The following LRP1B variants were observed in gnomAD, a reference collection of about 807,000 sequenced individuals.
LRP1B encodes low-density lipoprotein receptor-related protein 1B.
LRP1B carries 217 observed loss-of-function variants against 556.6 expected under a neutral mutation model. The ratio of observed to expected loss-of-function variants is 0.39; its 90% CI spans 0.35 to 0.44. The LOEUF is 0.44. LRP1B is among the 20% of genes least tolerant of loss of function. The pLI is 1.00. For synonymous variants in LRP1B, 2,047 were observed against 1,865.8 expected (o/e 1.10, Z -2.50); for missense variants, 5,053 against 5,620.8 (o/e 0.90, Z 3.23).
At chr2:141,202,154 C>A (rs1479280626) in intron 6 of LRP1B, among the ~76,000 whole-genome samples, 3 of 150,026 alleles carry the variant, frequency 2.0e-5, no homozygotes, top group Non-Finnish European at 3.0e-5. Flanking sequence ...TTGCCCCCAC[C>A]TCATGCGTCC....
chr2:141,516,320 T>A (rs1684311077), intron 2 of LRP1B, among the ~76,000 whole-genome samples: 1 of 152,152 alleles, frequency 6.6e-6, no homozygotes, highest in African/African-American at 2.4e-5. Flanking sequence ...ATATTGATTA[T>A]GCTCAAATCT....
At chr2:140,723,404 A>C (rs770603131) in intron 35 of LRP1B, among the ~76,000 whole-genome samples, 1 of 152,200 alleles carries the variant, frequency 6.6e-6, no homozygotes, top group Non-Finnish European at 1.5e-5. Context: ...ATGGGCAAGG[A>C]AAAAATTTTG....
chr2:140,683,477 G>T, intron 41 of LRP1B: 2 of 566,206 alleles, frequency 3.5e-6, no homozygotes, highest in South Asian at 3.3e-5. Context: ...GGGCACAGCT[G>T]ACCCAAGGTT....
At chr2:141,241,203 T>G (rs906443308) in intron 5 of LRP1B, among the ~76,000 whole-genome samples, 4 of 152,076 alleles carry the variant, frequency 2.6e-5, no homozygotes, top group African/African-American at 9.7e-5. Flanking sequence ...TCTAACTGAA[T>G]GATTGGCCAG....
Position 140,475,103 on chromosome 2 carries a change from G to A in LRP1B, c.9625+35C>T, listed in dbSNP as rs142400909. On this transcript the variant is annotated intron_variant, in intron 60 of 90. Transcript: ENST00000389484. ...TTTTAAATAAATATTTTATGACCTG[G>A]TAAAATACTAGAATATTTATGTTAC... The A allele has an allele frequency of 9.4e-4, 1,041 of 1,108,486 alleles. 8 individuals are homozygous for A. In the African/African-American group the frequency reaches 0.016, roughly 17 times the overall value. The allele number at this position is 1,108,486 out of a possible 1,614,324, so 68.7% of individuals were successfully genotyped here. A position where few individuals can be genotyped will look rare whatever the true frequency, so the allele number is the denominator to read the frequency against.
At chr2:140,331,161 G>A (rs1039403023) in intron 79 of LRP1B, among the ~76,000 whole-genome samples, 6 of 152,142 alleles carry the variant, frequency 3.9e-5, no homozygotes, top group Admixed American at 2.6e-4. Context: ...GCAAAGACAC[G>A]GAATCAACCC....
At chr2:140,759,799 T>C (rs1030132676) in intron 35 of LRP1B, among the ~76,000 whole-genome samples, 4 of 152,198 alleles carry the variant, frequency 2.6e-5, no homozygotes, top group Non-Finnish European at 5.9e-5. Flanking sequence ...ATAATTCTAT[T>C]GGTGATATAC....
chr2:140,510,127 T>G (rs1689591462), intron 51 of LRP1B, 71 bp from the exon 52 acceptor site: 1 of 1,534,678 alleles, frequency 6.5e-7, no homozygotes, highest in Non-Finnish European at 8.9e-7. Context: ...ATTTACATTT[T>G]CTACAGTAAG....
At chr2:140,284,288 T>G (rs1683031848) in intron 84 of LRP1B, among the ~76,000 whole-genome samples, 1 of 148,790 alleles carries the variant, frequency 6.7e-6, no homozygotes, top group Non-Finnish European at 1.5e-5. Context: ...AACAAATACA[T>G]GGCTTCCCCC....
intron 25 of LRP1B, among the ~76,000 whole-genome samples, chr2:140,877,024 G>T (rs1693329451): frequency 6.6e-6 from 1 of 151,584 alleles, no homozygotes; most frequent in African/African-American, 2.4e-5. Flanking sequence ...TTTTTTCTTG[G>T]TTACAAGTGG....
At chr2:142,014,207 T>G (rs1266761684) in intron 1 of LRP1B, among the ~76,000 whole-genome samples, 1 of 145,110 alleles carries the variant, frequency 6.9e-6, no homozygotes, top group African/African-American at 2.9e-5. Flanking sequence ...CACTTTGCAC[T>G]GTGGACTCGC....
intron 7 of LRP1B, among the ~76,000 whole-genome samples, chr2:141,089,345 C>T (rs2104906044): frequency 6.6e-6 from 1 of 152,230 alleles, no homozygotes; most frequent in Non-Finnish European, 1.5e-5. Flanking sequence ...ATTGTTAGGA[C>T]CAATTCTGAA....
Position 140,917,714 on chromosome 2 carries a change from G to A in LRP1B, c.3319+5251C>T, listed in dbSNP as rs920040640. Among the ~76,000 whole-genome samples, 26 of 152,206 alleles carry A rather than the reference G, an allele frequency of 1.7e-4. No individual in the cohort carries two copies. The East Asian group carries it at 2.9e-3, about 17-fold the overall frequency. On this transcript the variant is annotated intron_variant, in intron 21 of 90. Transcript: ENST00000389484. ...AGGGAAGAATAAACAGGCAGGGTAC[G>A]AAAGATTTTTAGAGCAGTGAAATTA...
In LRP1B at chr2:141,534,335, G is replaced by A. The variant is rs1559125833; in HGVS notation, c.206-53802C>T. ...TTAAAGCATATGGAAGTTTTTTGTAGGTTCCCATTTCCATTGGAAGATTCA... is the reference window on the plus strand; with the variant it reads ...TTAAAGCATATGGAAGTTTTTTGTAAGTTCCCATTTCCATTGGAAGATTCA... On this transcript the variant is annotated intron_variant, in intron 2 of 90. Transcript: ENST00000389484. Among the ~76,000 whole-genome samples the A allele has an allele frequency of 2.0e-5, 3 of 152,236 alleles. No individual in the cohort carries two copies. The South Asian group carries it at 6.2e-4, about 32-fold the overall frequency.
chr2:140,786,859 A>G (rs977986707), intron 32 of LRP1B, among the ~76,000 whole-genome samples: 1 of 152,212 alleles, frequency 6.6e-6, no homozygotes, highest in South Asian at 2.1e-4. Context: ...GACTGTTGCC[A>G]GCGAACTAGT....
Position 141,903,147 on chromosome 2 carries a change from CT to C in LRP1B, c.83-92747del, listed in dbSNP as rs34961675. The stretch of plus-strand genomic sequence containing the variant: ...TTCCTAATTATAGTAATGTCTAAAT[CT>C]TTTTTTTTTACTACTTTAATGATAC... On this transcript the variant is annotated intron_variant, in intron 1 of 90. Coordinates refer to ENST00000389484, the MANE Select transcript of LRP1B (RefSeq NM_018557.3). Among the ~76,000 whole-genome samples, 11 of 149,510 alleles carry C rather than the reference CT, an allele frequency of 7.4e-5. No homozygotes were observed. The East Asian group carries it at 1.8e-3, about 24-fold the overall frequency.
chr2:140,962,906 A>G (rs946079637), intron 18 of LRP1B, among the ~76,000 whole-genome samples: 1 of 152,212 alleles, frequency 6.6e-6, no homozygotes, highest in African/African-American at 2.4e-5. Flanking sequence ...ATTTTAGCTC[A>G]TGTCTGAGAC....
chr2:140,276,808 T>C (rs1682690535), intron 84 of LRP1B, among the ~76,000 whole-genome samples: 1 of 151,914 alleles, frequency 6.6e-6, no homozygotes, highest in African/African-American at 2.4e-5. Flanking sequence ...AATTATAGAA[T>C]CATATAGGGA....
In LRP1B at chr2:141,591,610, C is replaced by G. The variant is rs13016280; in HGVS notation, c.206-111077G>C. The stretch of plus-strand genomic sequence containing the variant: ...TGTGTGTGTGTGTGTGTGTGTGTGT[C>G]TGTGTGTCTCCATGTGTGTTTATGT... On this transcript the variant is annotated intron_variant, in intron 2 of 90. Coordinates refer to ENST00000389484, the MANE Select transcript of LRP1B (RefSeq NM_018557.3). 1.2e-4 allele frequency among the ~76,000 whole-genome samples: 11 copies of G among 91,420 alleles called. No individual in the cohort carries two copies. In the East Asian group the frequency reaches 1.3e-3, roughly 11 times the overall value. The allele number at this position is 91,420 out of a possible 152,430, so 60.0% of individuals were successfully genotyped here. A position where few individuals can be genotyped will look rare whatever the true frequency, so the allele number is the denominator to read the frequency against.
Sources: allele counts gnomAD v4.1 joint callset (sites outside exome capture counted in the v4.1 genomes callset), GRCh38; gene constraint gnomAD v4.1.1; transcripts MANE v1.5; gene names NCBI Gene and HGNC (gene_info 2026-07-23, HGNC 2026-07-21).